ZNF180: variants seen among roughly 807,000 people sequenced by gnomAD.
ZNF180 encodes zinc finger protein 180.
Under a neutral mutation model 11.8 loss-of-function variants are expected in ZNF180, and 11 were observed. The observed-to-expected ratio is 0.93, with a 90% confidence interval of 0.59 to 1.55. The LOEUF (loss-of-function observed/expected upper bound fraction) is 1.55, where lower values mean the gene tolerates loss of function less well. ZNF180 is among the 40% of genes most tolerant of loss of function. The pLI, the probability that ZNF180 is intolerant of heterozygous loss-of-function variation, is 0.00. For synonymous variants in ZNF180, 287 were observed against 257.7 expected (o/e 1.11, Z -1.09); for missense variants, 773 against 781.7 (o/e 0.99, Z 0.13).
At chr19:44,485,403 C>T (rs1970204022) in intron 2 of ZNF180, among the ~76,000 whole-genome samples, 1 of 152,168 alleles carries the variant, frequency 6.6e-6, no homozygotes, top group Non-Finnish European at 1.5e-5. Flanking sequence ...TGGATACCTC[C>T]AATTACAATT....
At position 44,477,399 on chromosome 19, in the gene ZNF180, G is replaced by GATTTCCCAC; in HGVS notation, c.992_1000dup (p.Cys331_Lys333dup). 1 of 1,614,148 alleles carries GATTTCCCAC rather than the reference G, an allele frequency of 6.2e-7. No individual in the cohort carries two copies. The highest frequency in any genetic ancestry group is 8.5e-7 in the Non-Finnish European group (1 of 1,180,016). The stretch of plus-strand genomic sequence containing the variant: ...AACAAGATGCGAGCTCCAGCTGAAG[G>GATTTCCCAC]ATTTCCCACACTGATTACATTCAAA... On this transcript the variant is annotated inframe_insertion, in exon 5 of 5. Transcript: ENST00000592529.
At chr19:44,499,973 G>A (rs989264798) in intron 1 of ZNF180, among the ~76,000 whole-genome samples, 1 of 152,132 alleles carries the variant, frequency 6.6e-6, no homozygotes, top group African/African-American at 2.4e-5. Context: ...GGCATTGGAG[G>A]AGGGGAGTTC....
At chr19:44,488,437 G>T (rs8104374) in intron 2 of ZNF180, among the ~76,000 whole-genome samples, 3 of 151,744 alleles carry the variant, frequency 2.0e-5, no homozygotes, top group Non-Finnish European at 2.9e-5. Flanking sequence ...ACTGGTTTTC[G>T]TATTTTTTTG....
At chr19:44,489,490 G>C (rs947112866) in intron 2 of ZNF180, among the ~76,000 whole-genome samples, 2 of 126,256 alleles carry the variant, frequency 1.6e-5, no homozygotes, top group Admixed American at 1.8e-4. Flanking sequence ...AGGGTTAAAT[G>C]GATTAAGGGC....
In ZNF180 at chr19:44,474,520, C is replaced by G. The variant is rs1322068580; in HGVS notation, c.*1882G>C. On this transcript the variant is annotated 3_prime_UTR_variant, in exon 5 of 5. Coordinates refer to ENST00000592529, the MANE Select transcript of ZNF180 (RefSeq NM_001278509.3). ...TCAAAACATCATTAAACCATCTAAT[C>G]TAATATTCGACCATATCATTTCTTT... 1 of 152,160 alleles carries G rather than the reference C, an allele frequency of 6.6e-6. No homozygotes were observed. The highest frequency in any genetic ancestry group is 1.5e-5 in the Non-Finnish European group (1 of 68,028). 9.4% of individuals were successfully genotyped at this position (152,160 alleles called of 1,614,324 possible).
chr19:44,478,357 T>C (rs564545829), intron 4 of ZNF180, among the ~76,000 whole-genome samples: 20 of 152,324 alleles, frequency 1.3e-4, no homozygotes, highest in African/African-American at 4.3e-4. Flanking sequence ...AATGGAACTA[T>C]TGTAATCTTG....
At chr19:44,498,021 T>C (rs1227628877) in intron 1 of ZNF180, among the ~76,000 whole-genome samples, 2 of 152,072 alleles carry the variant, frequency 1.3e-5, no homozygotes, top group Non-Finnish European at 2.9e-5. Context: ...CCACATCCTG[T>C]TCCCTCCACA....
In ZNF180 at chr19:44,474,638, G is replaced by C. The variant is rs1462552552; in HGVS notation, c.*1764C>G. The C allele has an allele frequency of 6.6e-6, 1 of 152,156 alleles. No individual in the cohort carries two copies. The highest frequency in any genetic ancestry group is 2.4e-5 in the African/African-American group (1 of 41,422). The allele number at this position is 152,156 out of a possible 1,614,324, so 9.4% of individuals were successfully genotyped here. A position where few individuals can be genotyped will look rare whatever the true frequency, so the allele number is the denominator to read the frequency against. ...TATCCCCTTTGTGCTTCTTAAAGAT[G>C]GTTAAAATAGGACAGACAGACTTGG... On this transcript the variant is annotated 3_prime_UTR_variant, in exon 5 of 5. Coordinates refer to ENST00000592529, the MANE Select transcript of ZNF180 (RefSeq NM_001278509.3).
At chr19:44,480,812 G>A (rs191821979) in intron 3 of ZNF180, among the ~76,000 whole-genome samples, 193 of 152,236 alleles carry the variant, frequency 1.3e-3, no homozygotes, top group African/African-American at 4.5e-3. Flanking sequence ...TTCCACTTGT[G>A]GCATTATGCT....
At chr19:44,485,193 A>G (rs1970197427) in intron 2 of ZNF180, 1 of 150,588 alleles carries the variant, frequency 6.6e-6, no homozygotes, top group African/African-American at 2.4e-5. Context: ...AAGTCTAGCA[A>G]AAGGTGCCAC....
intron 2 of ZNF180, among the ~76,000 whole-genome samples, chr19:44,490,253 T>C (rs1970417937): frequency 6.6e-6 from 1 of 152,126 alleles, no homozygotes; most frequent in East Asian, 1.9e-4. Flanking sequence ...CTACTGTTCT[T>C]AAGCAGTCCT....
At position 44,475,133 on chromosome 19, in the gene ZNF180, A is replaced by G. The variant is rs1386723049; in HGVS notation, c.*1269T>C. ...ATGGTCATCCACAGGATTCAAATTC[A>G]TGATTCAAGGGAAAGGTCAGAAAGA... On this transcript the variant is annotated 3_prime_UTR_variant, in exon 5 of 5. Transcript: ENST00000592529. The G allele has an allele frequency of 6.6e-6, 1 of 152,232 alleles. No homozygotes were observed. Among genetic ancestry groups the G allele is most frequent in the East Asian group, 1.9e-4 (1 of 5,196 alleles). 9.4% of individuals were successfully genotyped at this position (152,232 alleles called of 1,614,324 possible).
chr19:44,496,823 T>C (rs2461535), intron 2 of ZNF180, among the ~76,000 whole-genome samples: 62,014 of 151,914 alleles, frequency 0.41, 13,076 homozygotes, highest in African/African-American at 0.48. Flanking sequence ...AAACTATATC[T>C]CTTTTTAAAA....
At chr19:44,489,997 G>GAAAC (rs1970394336) in intron 2 of ZNF180, among the ~76,000 whole-genome samples, 3 of 60,304 alleles carry the variant, frequency 5.0e-5, no homozygotes, top group African/African-American at 8.2e-5. Flanking sequence ...GAAAAAGCAA[G>GAAAC]AAAGAAAGAA....
intron 1 of ZNF180, 37 bp from the exon 2 acceptor site, chr19:44,497,414 T>A (rs755714787): frequency 1.3e-6 from 2 of 1,556,962 alleles, no homozygotes; most frequent in Admixed American, 3.8e-5. Flanking sequence ...AAGATGTAGG[T>A]CTGCCGGAAC....
intron 2 of ZNF180, among the ~76,000 whole-genome samples, chr19:44,485,885 TG>T (rs1195079646): frequency 6.6e-6 from 1 of 152,222 alleles, no homozygotes; most frequent in Non-Finnish European, 1.5e-5. Flanking sequence ...CTTTTATTTT[TG>T]TTTTTTTAAA....
chr19:44,480,473 G>T (rs1327315994), intron 3 of ZNF180, among the ~76,000 whole-genome samples: 2 of 152,102 alleles, frequency 1.3e-5, no homozygotes, highest in Non-Finnish European at 2.9e-5. Flanking sequence ...AAATCATTGG[G>T]TTGAATGAAT....
rs541990760 is a variant in ZNF180 at position 44,479,517 on chromosome 19, T to C, written c.127-108A>G. The C allele has an allele frequency of 3.3e-5, 42 of 1,290,572 alleles. No homozygotes were observed. In the East Asian group the frequency reaches 5.0e-4, roughly 15 times the overall value. The allele number at this position is 1,290,572 out of a possible 1,614,324, so 79.9% of individuals were successfully genotyped here. ...AAAAGGAAAATTGGTGACCTGGGAG[T>C]TGTCCTTAAATTGTCAGTGCCCAAA... On this transcript the variant is annotated intron_variant, in intron 3 of 4. Coordinates refer to ENST00000592529, the MANE Select transcript of ZNF180 (RefSeq NM_001278509.3).
chr19:44,488,775 T>C (rs1970322091), intron 2 of ZNF180, among the ~76,000 whole-genome samples: 1 of 150,376 alleles, frequency 6.6e-6, no homozygotes. Context: ...GTCTGGAAAG[T>C]GAGGAGCGTC....
Sources: gnomAD v4.1 joint callset for allele counts (sites outside exome capture counted in the v4.1 genomes callset) on GRCh38, gnomAD v4.1.1 for gene constraint, MANE v1.5 for transcripts, NCBI Gene and HGNC (gene_info 2026-07-23, HGNC 2026-07-21) for gene names.